The following NRG1 variants were observed in gnomAD, a reference collection of about 807,000 sequenced individuals.
NRG1 encodes the protein neuregulin 1.
NRG1 carries 18 observed loss-of-function variants against 63.8 expected under a neutral mutation model. The observed-to-expected ratio is 0.28, with a 90% CI of 0.19 to 0.42. NRG1 has a LOEUF of 0.42. NRG1 is among the 10% of genes least tolerant of loss of function. The pLI is 1.00. For missense variants in NRG1, 762 were observed against 814.7 expected (o/e 0.94, Z 0.79); for synonymous variants, 302 against 301.3 (o/e 1.00, Z -0.02).
At chr8:32,659,760 C>G (rs1282724035) in intron 5 of NRG1, among the ~76,000 whole-genome samples, 1 of 152,076 alleles carries the variant, frequency 6.6e-6, no homozygotes, top group African/African-American at 2.4e-5. Context: ...CATGTTTTAG[C>G]CAACTAGAAC....
intron 1 of NRG1, among the ~76,000 whole-genome samples, chr8:32,539,544 G>C (rs544996844): frequency 1.3e-5 from 2 of 152,322 alleles, no homozygotes; most frequent in South Asian, 4.1e-4. Flanking sequence ...CCTGAGCTCT[G>C]TCTGGCTTTT....
intron 1 of NRG1, among the ~76,000 whole-genome samples, chr8:31,887,839 T>C (rs1008299195): frequency 1.3e-5 from 2 of 151,920 alleles, no homozygotes; most frequent in Non-Finnish European, 2.9e-5. Flanking sequence ...TTAGATTAGA[T>C]AAAGGAAGTA....
At chr8:32,687,395 C>T (rs1010756307) in intron 5 of NRG1, among the ~76,000 whole-genome samples, 1 of 152,154 alleles carries the variant, frequency 6.6e-6, no homozygotes, top group Non-Finnish European at 1.5e-5. Flanking sequence ...AGAGCACTAT[C>T]TTCTGAAGTC....
chr8:32,404,932 A>C (rs924740381), intron 1 of NRG1, among the ~76,000 whole-genome samples: 1 of 152,134 alleles, frequency 6.6e-6, no homozygotes, highest in African/African-American at 2.4e-5. Context: ...GGCTGGGGAC[A>C]TGATATTCCT....
At chr8:32,386,206 A>G (rs1393681792) in intron 1 of NRG1, among the ~76,000 whole-genome samples, 1 of 152,208 alleles carries the variant, frequency 6.6e-6, no homozygotes, top group Admixed American at 6.5e-5. Context: ...GCCTCAAGCA[A>G]TCCTCCTGCC....
chr8:32,232,325 G>A (rs1177169375), intron 1 of NRG1, among the ~76,000 whole-genome samples: 1 of 152,314 alleles, frequency 6.6e-6, no homozygotes, highest in East Asian at 1.9e-4. Context: ...CAACAGAATT[G>A]CAAAGATGGG....
At chr8:31,826,824 T>A (rs13252542) in intron 1 of NRG1, among the ~76,000 whole-genome samples, 21,209 of 152,272 alleles carry the variant, frequency 0.14, 1,614 homozygotes, top group Admixed American at 0.17. Flanking sequence ...AGAGAAGCAG[T>A]TACATGAAGT....
chr8:32,243,826 G>A (rs972607390), intron 1 of NRG1, among the ~76,000 whole-genome samples: 6 of 152,106 alleles, frequency 3.9e-5, no homozygotes, highest in African/African-American at 1.2e-4. Context: ...AAGAAAAAAA[G>A]GCCAAAGCCT....
At chr8:32,418,094 A>G (rs1816187403) in intron 1 of NRG1, among the ~76,000 whole-genome samples, 1 of 152,084 alleles carries the variant, frequency 6.6e-6, no homozygotes, top group Admixed American at 6.6e-5. Context: ...TATTATACTA[A>G]ATGTTTTTGA....
intron 5 of NRG1, among the ~76,000 whole-genome samples, chr8:32,684,991 C>A (rs1201362800): frequency 6.6e-6 from 1 of 152,014 alleles, no homozygotes; most frequent in Non-Finnish European, 1.5e-5. Flanking sequence ...ACAGAGAGAA[C>A]CCCTGTACCC....
At chr8:32,386,413 A>G (rs1811033980) in intron 1 of NRG1, among the ~76,000 whole-genome samples, 2 of 152,190 alleles carry the variant, frequency 1.3e-5, no homozygotes, top group African/African-American at 4.8e-5. Flanking sequence ...AAATAAGGAA[A>G]TTTGACTAGC....
chr8:32,223,559 C>T (rs946957102), intron 1 of NRG1, among the ~76,000 whole-genome samples: 1 of 152,048 alleles, frequency 6.6e-6, no homozygotes, highest in South Asian at 2.1e-4. Context: ...AGATTTTGAT[C>T]AGGTTAAAGA....
intron 1 of NRG1, among the ~76,000 whole-genome samples, chr8:32,015,658 A>T (rs545992469): frequency 6.6e-6 from 1 of 152,272 alleles, no homozygotes; most frequent in East Asian, 1.9e-4. Flanking sequence ...ATCAAATCTT[A>T]TAAACATAAG....
chr8:32,455,084 A>G (rs551212270), intron 1 of NRG1, among the ~76,000 whole-genome samples: 1 of 152,164 alleles, frequency 6.6e-6, no homozygotes, highest in Non-Finnish European at 1.5e-5. Context: ...TCGTGTAAGG[A>G]CATTCAGTGA....
At chr8:32,632,663 T>TC (rs145667828) in intron 5 of NRG1, among the ~76,000 whole-genome samples, 4,818 of 152,208 alleles carry the variant, frequency 0.032, 150 homozygotes, top group African/African-American at 0.082. Context: ...AACTTGTTGC[T>TC]CTAGAGCCTT....
At chr8:32,514,387 G>T (rs1417968295) in intron 1 of NRG1, among the ~76,000 whole-genome samples, 2 of 151,928 alleles carry the variant, frequency 1.3e-5, no homozygotes, top group African/African-American at 2.4e-5. Context: ...CGTATTATTT[G>T]ATCTTTTCTG....
chr8:32,354,185 A>T (rs970528944), intron 1 of NRG1, among the ~76,000 whole-genome samples: 2 of 152,098 alleles, frequency 1.3e-5, no homozygotes, highest in African/African-American at 4.8e-5. Context: ...CCAGGCCCAC[A>T]TGGCAAAACC....
intron 1 of NRG1, among the ~76,000 whole-genome samples, chr8:31,918,856 A>G (rs1833647264): frequency 6.6e-6 from 1 of 151,668 alleles, no homozygotes; most frequent in African/African-American, 2.4e-5. Flanking sequence ...TTGGTAAGCT[A>G]TTGATTATTG....
chr8:32,489,464 C>T (rs779574411), intron 1 of NRG1, among the ~76,000 whole-genome samples: 1 of 152,074 alleles, frequency 6.6e-6, no homozygotes, highest in Non-Finnish European at 1.5e-5. Flanking sequence ...TACCAACCAC[C>T]TGTTCATCAC....
Sources: gnomAD v4.1 joint callset for allele counts (sites outside exome capture counted in the v4.1 genomes callset) on GRCh38, gnomAD v4.1.1 for gene constraint, MANE v1.5 for transcripts, NCBI Gene and HGNC (gene_info 2026-07-23, HGNC 2026-07-21) for gene names.